The following HNRNPA1L2 variants were observed in gnomAD, a reference collection of about 807,000 sequenced individuals.
HNRNPA1L2 encodes the protein heterogeneous nuclear ribonucleoprotein A1 like 2.
Under a neutral mutation model 18.2 loss-of-function variants are expected in HNRNPA1L2, and 10 were observed. The observed-to-expected ratio is 0.55, with a 90% confidence interval of 0.34 to 0.93. The LOEUF (loss-of-function observed/expected upper bound fraction) is 0.93. HNRNPA1L2 is among the 40% of genes least tolerant of loss of function. HNRNPA1L2 has a pLI of 0.02. For missense variants in HNRNPA1L2, 308 were observed against 394.4 expected, an observed-to-expected ratio of 0.78 and a Z score of 1.85; for synonymous variants, 124 against 138.6, an observed-to-expected ratio of 0.89 and a Z score of 0.74.
upstream of HNRNPA1L2, chr13:52,641,943 T>TA (rs1296296808): frequency 6.5e-6 from 1 of 152,926 alleles, no homozygotes; most frequent in Non-Finnish European, 1.5e-5. Flanking sequence ...ACTGATGAAC[T>TA]AGGTTTCTCC....
rs1961739822 is a variant in HNRNPA1L2, at chr13:52,643,597, CAT to C, written c.*143_*144del. ...AGAAGACATGTTTTAGACAAATACT[CAT>C]GTGTATGGGCAAAAAACTCGAGGAC... On this transcript the variant is annotated 3_prime_UTR_variant, in exon 1 of 1. Transcript: ENST00000357495. The C allele has an allele frequency of 4.4e-6, 3 of 676,528 alleles. No individual in the cohort carries two copies. The highest frequency in any genetic ancestry group is 5.4e-5 in the East Asian group (2 of 36,994). The allele number at this position is 676,528 out of a possible 1,614,324, so 41.9% of individuals were successfully genotyped here.
chr13:52,637,187 A>C, the HNRNPA1L2 span: 1 of 152,964 alleles, frequency 6.5e-6, no homozygotes, highest in African/African-American at 2.4e-5. Context: ...TTTATTATAT[A>C]CTGTAATTAT....
At chr13:52,639,884 T>TTTTG (rs1566162101), upstream of HNRNPA1L2, among the ~76,000 whole-genome samples, 54 of 115,570 alleles carry the variant, frequency 4.7e-4, no homozygotes, top group African/African-American at 1.6e-3. Flanking sequence ...TTGTTTTTTT[T>TTTTG]TTTTTTTTTT....
chr13:52,629,816 A>G, the HNRNPA1L2 span, among the ~76,000 whole-genome samples: 4 of 152,166 alleles, frequency 2.6e-5, no homozygotes, highest in Non-Finnish European at 5.9e-5. Flanking sequence ...TAGGCTGGGC[A>G]TGGTGGCTCA....
chr13:52,641,079 G>A (rs771877808), upstream of HNRNPA1L2: 3 of 152,152 alleles, frequency 2.0e-5, no homozygotes, highest in Admixed American at 1.3e-4. Context: ...GATCTGTCCC[G>A]ATATTACATC....
chr13:52,625,802 G>T, the HNRNPA1L2 span, among the ~76,000 whole-genome samples: 23 of 152,100 alleles, frequency 1.5e-4, no homozygotes, highest in Admixed American at 6.5e-5. Flanking sequence ...TTTTGAGACA[G>T]GGTGTTGCTC....
At chr13:52,628,925 G>A in the HNRNPA1L2 span, among the ~76,000 whole-genome samples, 863 of 152,048 alleles carry the variant, frequency 5.7e-3, 4 homozygotes, top group African/African-American at 0.02. Flanking sequence ...TCCTCGGCTG[G>A]ACTGCAATGG....
At chr13:52,621,926 G>A in the HNRNPA1L2 span, 1 of 152,630 alleles carries the variant, frequency 6.6e-6, no homozygotes, top group Non-Finnish European at 1.5e-5. Flanking sequence ...TTAGATACAC[G>A]GTTTTTTGCT....
chr13:52,632,305 G>A, the HNRNPA1L2 span: 1 of 152,162 alleles, frequency 6.6e-6, no homozygotes, highest in Admixed American at 6.5e-5. Flanking sequence ...ATTTAGCTAA[G>A]ATGTTTGATG....
At chr13:52,625,926 G>A in the HNRNPA1L2 span, among the ~76,000 whole-genome samples, 1 of 151,768 alleles carries the variant, frequency 6.6e-6, no homozygotes, top group Admixed American at 6.6e-5. Flanking sequence ...GTAGGCATGT[G>A]CCACCACTCC....
the HNRNPA1L2 span, among the ~76,000 whole-genome samples, chr13:52,618,370 G>A: frequency 6.6e-6 from 1 of 152,210 alleles, no homozygotes; most frequent in Non-Finnish European, 1.5e-5. Context: ...TTTATCCTCC[G>A]AGTACTTTAT....
the HNRNPA1L2 span, among the ~76,000 whole-genome samples, chr13:52,628,999 C>G: frequency 2.0e-5 from 3 of 152,132 alleles, no homozygotes; most frequent in African/African-American, 7.2e-5. Flanking sequence ...CCTCAGCCTC[C>G]CAAGTAGCTG....
At chr13:52,625,754 T>G in the HNRNPA1L2 span, among the ~76,000 whole-genome samples, 1 of 152,208 alleles carries the variant, frequency 6.6e-6, no homozygotes, top group South Asian at 2.1e-4. Flanking sequence ...AAAGTACATT[T>G]CATTTTAACT....
upstream of HNRNPA1L2, among the ~76,000 whole-genome samples, chr13:52,638,461 C>T (rs902371025): frequency 1.3e-5 from 2 of 152,116 alleles, no homozygotes; most frequent in African/African-American, 4.8e-5. Flanking sequence ...CTTCATTTAA[C>T]CATTTACACA....
the HNRNPA1L2 span, among the ~76,000 whole-genome samples, chr13:52,623,888 T>G: frequency 1.3e-5 from 2 of 152,182 alleles, no homozygotes; most frequent in African/African-American, 2.4e-5. Flanking sequence ...GATGTCTGGG[T>G]CCTCAGTTGG....
the HNRNPA1L2 span, among the ~76,000 whole-genome samples, chr13:52,628,457 T>C: frequency 5.3e-5 from 8 of 151,768 alleles, no homozygotes; most frequent in Non-Finnish European, 1.0e-4. Context: ...AGAAATTATA[T>C]TTAAAAAAAA....
chr13:52,625,403 C>T, the HNRNPA1L2 span, among the ~76,000 whole-genome samples: 10 of 152,192 alleles, frequency 6.6e-5, no homozygotes, highest in African/African-American at 1.4e-4. Flanking sequence ...CCATGAGCCA[C>T]CACGAAGCCC....
At chr13:52,623,939 C>T in the HNRNPA1L2 span, among the ~76,000 whole-genome samples, 2,357 of 152,214 alleles carry the variant, frequency 0.015, 63 homozygotes, top group African/African-American at 0.053. Flanking sequence ...TGAAGTTTGC[C>T]CACTCATAGG....
the HNRNPA1L2 span, among the ~76,000 whole-genome samples, chr13:52,628,287 A>G: frequency 6.6e-6 from 1 of 152,210 alleles, no homozygotes; most frequent in Non-Finnish European, 1.5e-5. Flanking sequence ...TACAAACCAT[A>G]AAAAAATTAG....
Sources: allele counts gnomAD v4.1 joint callset (sites outside exome capture counted in the v4.1 genomes callset), GRCh38; gene constraint gnomAD v4.1.1; transcripts MANE v1.5; gene names NCBI Gene and HGNC (gene_info 2026-07-23, HGNC 2026-07-21).